SH3RF1: variants seen among roughly 807,000 people sequenced by gnomAD.
The protein encoded by SH3RF1 is SH3 domain containing ring finger 1.
SH3RF1 carries 32 observed loss-of-function variants against 74.0 expected under a neutral mutation model. The observed-to-expected ratio is 0.43, with a 90% CI of 0.33 to 0.58. SH3RF1 has a LOEUF of 0.58. Ranked by LOEUF, SH3RF1 falls within the 20% of genes least tolerant of loss-of-function variation. The probability of loss-of-function intolerance (pLI) is 0.05; values close to 1 mark genes in which losing one functional copy is unlikely to be tolerated. For synonymous variants in SH3RF1, 396 were observed against 439.6 expected (o/e 0.90, Z 1.24); for missense variants, 954 against 1,130.9 (o/e 0.84, Z 2.24).
chr4:169,106,567 T>C (rs1389757015), intron 11 of SH3RF1, among the ~76,000 whole-genome samples: 2 of 150,730 alleles, frequency 1.3e-5, no homozygotes, highest in Non-Finnish European at 2.9e-5. Flanking sequence ...AGTTTCCCAG[T>C]GATTGACAGT....
chr4:169,130,034 A>G lies in SH3RF1; in HGVS notation c.1179+12T>C. The G allele has an allele frequency of 6.2e-7, 1 of 1,606,650 alleles. No homozygotes were observed. The highest frequency in any genetic ancestry group is 1.1e-5 in the South Asian group (1 of 90,554). On this transcript the variant is annotated intron_variant, in intron 6 of 11. Transcript: ENST00000284637. ...CTAAAAGAGAAATAAAAATGGGAGAAACTATACTCACTCCAAGGGCAGCTT... is the reference window on the plus strand; with the variant it reads ...CTAAAAGAGAAATAAAAATGGGAGAGACTATACTCACTCCAAGGGCAGCTT...
intron 4 of SH3RF1, among the ~76,000 whole-genome samples, chr4:169,146,897 G>A (rs1156271489): frequency 6.6e-6 from 1 of 152,108 alleles, no homozygotes; most frequent in East Asian, 1.9e-4. Context: ...CCAAGTTCCT[G>A]GAGGATGAAA....
chr4:169,253,817 A>G (rs1731142272), intron 2 of SH3RF1, among the ~76,000 whole-genome samples: 1 of 152,254 alleles, frequency 6.6e-6, no homozygotes, highest in African/African-American at 2.4e-5. Flanking sequence ...TTCCTATTAG[A>G]TCAATTTCAT....
intron 4 of SH3RF1, 44 bp downstream of exon 4, chr4:169,155,436 A>C: frequency 1.4e-6 from 2 of 1,426,816 alleles, no homozygotes; most frequent in Non-Finnish European, 2.0e-6. Context: ...TTTATTTAGT[A>C]AGCTGAATAT....
intron 11 of SH3RF1, among the ~76,000 whole-genome samples, chr4:169,099,312 C>G (rs1579080801): frequency 6.6e-6 from 1 of 152,330 alleles, no homozygotes; most frequent in East Asian, 1.9e-4. Flanking sequence ...TGGTCTTGAA[C>G]TCCTTGGCTC....
intron 2 of SH3RF1, among the ~76,000 whole-genome samples, chr4:169,194,644 T>A (rs1734781549): frequency 6.6e-6 from 1 of 152,202 alleles, no homozygotes; most frequent in African/African-American, 2.4e-5. Flanking sequence ...TTTCCAGGTG[T>A]TAGTTATTAT....
At chr4:169,105,712 G>C (rs1342918071) in intron 11 of SH3RF1, among the ~76,000 whole-genome samples, 2 of 152,166 alleles carry the variant, frequency 1.3e-5, no homozygotes. Flanking sequence ...TGGGCAACAT[G>C]GGAGACCCCG....
intron 2 of SH3RF1, among the ~76,000 whole-genome samples, chr4:169,224,752 T>G (rs901872077): frequency 4.6e-5 from 7 of 152,164 alleles, no homozygotes; most frequent in Admixed American, 4.6e-4. Context: ...TTGGCTTGGG[T>G]AGGTGCTCAG....
At chr4:169,115,831 T>G (rs1325487235) in intron 10 of SH3RF1, among the ~76,000 whole-genome samples, 1 of 152,006 alleles carries the variant, frequency 6.6e-6, no homozygotes, top group Non-Finnish European at 1.5e-5. Context: ...AACAGTTTCA[T>G]CCCCCTCACA....
intron 2 of SH3RF1, among the ~76,000 whole-genome samples, chr4:169,209,568 G>T (rs1020918428): frequency 2.6e-5 from 4 of 152,134 alleles, no homozygotes; most frequent in Non-Finnish European, 5.9e-5. Flanking sequence ...AGTATTTTCA[G>T]TATCAACATT....
In SH3RF1 at chr4:169,096,328, T is replaced by C; in HGVS notation, c.*191A>G. ...ACACCTTATACATCCGAATCCAGAC[T>C]AACAAAACCCACACAAACATCTTCT... On this transcript the variant is annotated 3_prime_UTR_variant, in exon 12 of 12. Coordinates refer to ENST00000284637, the MANE Select transcript of SH3RF1 (RefSeq NM_020870.4). 1 of 594,806 alleles carries C rather than the reference T, an allele frequency of 1.7e-6. No individual in the cohort carries two copies. Among genetic ancestry groups the C allele is most frequent in the Non-Finnish European group, 2.9e-6 (1 of 347,344 alleles). 36.8% of individuals were successfully genotyped at this position (594,806 alleles called of 1,614,324 possible).
intron 2 of SH3RF1, among the ~76,000 whole-genome samples, chr4:169,210,078 G>A (rs1247393027): frequency 6.6e-6 from 1 of 152,108 alleles, no homozygotes; most frequent in Non-Finnish European, 1.5e-5. Flanking sequence ...CCACAGGCAT[G>A]AGGCACCATG....
At chr4:169,219,407 T>C (rs963536915) in intron 2 of SH3RF1, among the ~76,000 whole-genome samples, 5 of 152,190 alleles carry the variant, frequency 3.3e-5, no homozygotes, top group Non-Finnish European at 5.9e-5. Flanking sequence ...GTTAGGTATA[T>C]ATTCACCCAT....
intron 2 of SH3RF1, among the ~76,000 whole-genome samples, chr4:169,180,457 T>C (rs1734490705): frequency 6.6e-6 from 1 of 152,214 alleles, no homozygotes; most frequent in Admixed American, 6.5e-5. Flanking sequence ...TTAACTACTC[T>C]AGTGAATTGC....
intron 2 of SH3RF1, among the ~76,000 whole-genome samples, chr4:169,261,348 G>A: frequency 6.6e-6 from 1 of 152,354 alleles, no homozygotes. Flanking sequence ...AGCAAGGACA[G>A]TGAGGAAAGA....
chr4:169,121,955 C>G, intron 7 of SH3RF1, 145 bp downstream of exon 7: 1 of 983,618 alleles, frequency 1.0e-6, no homozygotes, highest in Non-Finnish European at 1.5e-6. Flanking sequence ...ACATGCATGA[C>G]CAGGTAGAAG....
At chr4:169,169,754 G>A (rs1734295820) in intron 2 of SH3RF1, among the ~76,000 whole-genome samples, 1 of 151,986 alleles carries the variant, frequency 6.6e-6, no homozygotes, top group Non-Finnish European at 1.5e-5. Context: ...TTGAGACAGG[G>A]TCTTACTCTG....
chr4:169,197,272 G>C (rs961192758), intron 2 of SH3RF1, among the ~76,000 whole-genome samples: 15 of 152,090 alleles, frequency 9.9e-5, no homozygotes, highest in Non-Finnish European at 1.9e-4. Flanking sequence ...AAAGTGCTAG[G>C]ATTATAGACA....
At chr4:169,228,928 C>G (rs1473999843) in intron 2 of SH3RF1, among the ~76,000 whole-genome samples, 1 of 151,460 alleles carries the variant, frequency 6.6e-6, no homozygotes, top group Non-Finnish European at 1.5e-5. Context: ...TTTAAAAAAA[C>G]AAAAAAAATT....
Sources: gnomAD v4.1 joint callset for allele counts (sites outside exome capture counted in the v4.1 genomes callset) on GRCh38, gnomAD v4.1.1 for gene constraint, MANE v1.5 for transcripts, NCBI Gene and HGNC (gene_info 2026-07-23, HGNC 2026-07-21) for gene names.